The following ENTREP2 variants were observed in gnomAD, a reference collection of about 807,000 sequenced individuals.
ENTREP2 encodes protein ENTREP2.
the ENTREP2 span, among the ~76,000 whole-genome samples, chr15:29,490,471 C>T: frequency 6.6e-6 from 1 of 152,214 alleles, no homozygotes; most frequent in Non-Finnish European, 1.5e-5. Flanking sequence ...CCACATTCTG[C>T]TGATTGGCCC....
the ENTREP2 span, among the ~76,000 whole-genome samples, chr15:29,657,376 T>C: frequency 2.0e-5 from 3 of 148,180 alleles, no homozygotes; most frequent in South Asian, 4.2e-4. Context: ...TTCTTACAAA[T>C]GGCACGGACC....
chr15:29,636,327 G>T, the ENTREP2 span, among the ~76,000 whole-genome samples: 18 of 152,338 alleles, frequency 1.2e-4, no homozygotes, highest in African/African-American at 4.1e-4. Flanking sequence ...CAAAGTCCTG[G>T]AATGTGCTTG....
At chr15:29,518,943 A>G in the ENTREP2 span, among the ~76,000 whole-genome samples, 2 of 152,136 alleles carry the variant, frequency 1.3e-5, no homozygotes, top group Non-Finnish European at 1.5e-5. Flanking sequence ...GGTGTGCACT[A>G]CTGCGACACA....
chr15:29,406,526 C>T, the ENTREP2 span, among the ~76,000 whole-genome samples: 229 of 151,094 alleles, frequency 1.5e-3, no homozygotes, highest in African/African-American at 5.3e-3. Context: ...CCAGCCTGGG[C>T]GACAGAGCGA....
chr15:29,444,000 A>G, the ENTREP2 span, among the ~76,000 whole-genome samples: 2 of 152,116 alleles, frequency 1.3e-5, no homozygotes, highest in Non-Finnish European at 2.9e-5. Flanking sequence ...GCTACTCAGG[A>G]GGCTGAGGCA....
chr15:29,202,777 C>T, the ENTREP2 span, among the ~76,000 whole-genome samples: 2 of 152,284 alleles, frequency 1.3e-5, no homozygotes, highest in East Asian at 3.9e-4. Flanking sequence ...AGAAAGATGG[C>T]TTCCAGCTTC....
At chr15:29,585,716 C>T in the ENTREP2 span, among the ~76,000 whole-genome samples, 4 of 152,206 alleles carry the variant, frequency 2.6e-5, no homozygotes, top group South Asian at 4.1e-4. Flanking sequence ...ATTAGCCGGG[C>T]GCGGTGGCGG....
the ENTREP2 span, among the ~76,000 whole-genome samples, chr15:29,159,447 G>A: frequency 6.7e-4 from 102 of 152,278 alleles, no homozygotes; most frequent in African/African-American, 2.3e-3. Context: ...GACAGGGCCG[G>A]GTTGCTACTG....
At chr15:29,189,014 C>T in the ENTREP2 span, among the ~76,000 whole-genome samples, 325 of 152,372 alleles carry the variant, frequency 2.1e-3, no homozygotes, top group Non-Finnish European at 3.8e-3. Flanking sequence ...ATCTCTCCAC[C>T]TGGCTGTGCA....
chr15:29,159,191 G>A, the ENTREP2 span, among the ~76,000 whole-genome samples: 1 of 152,000 alleles, frequency 6.6e-6, no homozygotes, highest in Non-Finnish European at 1.5e-5. Context: ...TTTTCTGGTG[G>A]GTTTGTGGTC....
the ENTREP2 span, among the ~76,000 whole-genome samples, chr15:29,336,060 T>A: frequency 1.4e-5 from 2 of 138,032 alleles, no homozygotes; most frequent in African/African-American, 5.4e-5. Flanking sequence ...GAGAATGGCA[T>A]GAACCCGGGA....
chr15:29,382,002 A>G, the ENTREP2 span, among the ~76,000 whole-genome samples: 1 of 152,164 alleles, frequency 6.6e-6, no homozygotes, highest in Non-Finnish European at 1.5e-5. Flanking sequence ...TCTGAGAGGC[A>G]CATTGGTCTC....
chr15:29,318,504 T>C, the ENTREP2 span, among the ~76,000 whole-genome samples: 1 of 152,100 alleles, frequency 6.6e-6, no homozygotes, highest in Non-Finnish European at 1.5e-5. Context: ...GTATTTTTAG[T>C]AGAGACGGGG....
the ENTREP2 span, among the ~76,000 whole-genome samples, chr15:29,572,837 C>A: frequency 1.3e-5 from 2 of 151,438 alleles, no homozygotes; most frequent in South Asian, 2.1e-4. Flanking sequence ...CCAACCCCAC[C>A]CCCACCAAAA....
the ENTREP2 span, among the ~76,000 whole-genome samples, chr15:29,158,012 C>CG: frequency 6.6e-6 from 1 of 151,998 alleles, no homozygotes; most frequent in Non-Finnish European, 1.5e-5. Context: ...CCACTGCTCC[C>CG]GGCCAATAGC....
At chr15:29,652,647 C>T in the ENTREP2 span, among the ~76,000 whole-genome samples, 1 of 152,248 alleles carries the variant, frequency 6.6e-6, no homozygotes, top group Non-Finnish European at 1.5e-5. Context: ...TGCATTCCCC[C>T]CAGGGCCAGC....
chr15:29,502,638 A>C, the ENTREP2 span, among the ~76,000 whole-genome samples: 2 of 152,050 alleles, frequency 1.3e-5, no homozygotes, highest in Non-Finnish European at 1.5e-5. Context: ...AGCCCTATCC[A>C]CAAAATGAAA....
the ENTREP2 span, among the ~76,000 whole-genome samples, chr15:29,140,233 C>T: frequency 6.6e-6 from 1 of 152,198 alleles, no homozygotes; most frequent in South Asian, 2.1e-4. Context: ...ATCTGGGGCA[C>T]ATCTATTTTA....
At chr15:29,469,181 GCTT>G in the ENTREP2 span, among the ~76,000 whole-genome samples, 3 of 152,038 alleles carry the variant, frequency 2.0e-5, no homozygotes, top group African/African-American at 4.8e-5. Flanking sequence ...GCAAGATTCT[GCTT>G]CTTTTTTGTT....
Sources: allele counts gnomAD v4.1 joint callset (sites outside exome capture counted in the v4.1 genomes callset), GRCh38; gene constraint gnomAD v4.1.1; transcripts MANE v1.5; gene names NCBI Gene and HGNC (gene_info 2026-07-23, HGNC 2026-07-21).